The following PROM1 variants were observed in gnomAD, a reference collection of about 807,000 sequenced individuals.
PROM1 encodes prominin 1.
In PROM1, 105 loss-of-function variants were observed where a neutral mutation model predicts 116.9. The ratio of observed to expected loss-of-function variants is 0.90; its 90% CI spans 0.77 to 1.06. The LOEUF (loss-of-function observed/expected upper bound fraction) is 1.06. Among genes scored for constraint, PROM1 ranks in the 50% least tolerant of loss-of-function variants. PROM1 has a pLI of 0.00. For missense variants in PROM1, 1,122 were observed against 1,045.2 expected, an observed-to-expected ratio of 1.07 and a Z score of -1.01; for synonymous variants, 393 against 387.0, an observed-to-expected ratio of 1.02 and a Z score of -0.18.
In PROM1 at chr4:15,974,025, T is replaced by C. The variant is rs146593382; in HGVS notation, c.2583-2943A>G. Reference sequence around the variant, plus strand: ...CCTTTGTGGTCTCACAGGAAGCAACTTTCTCTCCTGATCTCTCATCTCAGA... The same window carrying C: ...CCTTTGTGGTCTCACAGGAAGCAACCTTCTCTCCTGATCTCTCATCTCAGA... On this transcript the variant is annotated intron_variant, in intron 26 of 27. Coordinates refer to ENST00000447510, the MANE Select transcript of PROM1 (RefSeq NM_006017.3). Among the ~76,000 whole-genome samples, 506 of 152,244 alleles carry C rather than the reference T, an allele frequency of 3.3e-3. 8 individuals carry two copies. The highest frequency in any genetic ancestry group is 0.028 in the Admixed American group (422 of 15,280).
At chr4:15,993,747 C>G (rs1721630970) in intron 16 of PROM1, among the ~76,000 whole-genome samples, 1 of 152,174 alleles carries the variant, frequency 6.6e-6, no homozygotes, top group Non-Finnish European at 1.5e-5. Flanking sequence ...TCTAGAGGCT[C>G]TTGCATAATC....
At chr4:15,982,107 C>A (rs867078505) in intron 23 of PROM1, among the ~76,000 whole-genome samples, 31 of 152,240 alleles carry the variant, frequency 2.0e-4, no homozygotes, top group African/African-American at 7.5e-4. Flanking sequence ...CTACACTTGG[C>A]CTGCTATGTA....
chr4:15,998,220 T>C (rs1722810426), intron 15 of PROM1, among the ~76,000 whole-genome samples, 165 bp downstream of exon 15: 1 of 152,250 alleles, frequency 6.6e-6, no homozygotes, highest in South Asian at 2.1e-4. Flanking sequence ...AGAAGGAATA[T>C]ATTTTTGATC....
At position 15,998,458 on chromosome 4, in the gene PROM1, C is replaced by G. The variant is rs1389006421; in HGVS notation, c.1609G>C (p.Asp537His). 4 of 1,608,426 alleles carry G rather than the reference C, an allele frequency of 2.5e-6. No individual in the cohort carries two copies. The South Asian group carries it at 4.5e-5, about 18-fold the overall frequency. ...TTCCCAGAGAGATAGTATTCCCAGTCTTCATTTAGTAAGTAGGGTGTATCC... is the reference window on the plus strand; with the variant it reads ...TTCCCAGAGAGATAGTATTCCCAGTGTTCATTTAGTAAGTAGGGTGTATCC... ...VLDTPYLLNE[D>H]WEYYLSGKLF... The change falls in exon 15 of 28, where the codon GAC (aspartate) becomes CAC (histidine). Residue 537 changes from aspartate (D) to histidine (H), a missense_variant. Asp to His is a moderately conservative substitution (Grantham distance 81, BLOSUM62 -1). Transcript: ENST00000447510.
At chr4:16,018,270 C>T (rs1410649573) in intron 9 of PROM1, 53 bp downstream of exon 9, 1 of 1,573,358 alleles carries the variant, frequency 6.4e-7, no homozygotes, top group African/African-American at 1.4e-5. Flanking sequence ...TTAGCCCTGC[C>T]CGGCAATCCC....
At chr4:16,058,481 C>A (rs955085470) in intron 2 of PROM1, among the ~76,000 whole-genome samples, 3 of 152,030 alleles carry the variant, frequency 2.0e-5, no homozygotes, top group Non-Finnish European at 4.4e-5. Context: ...AACCCCATCT[C>A]TACAGAAATA....
chr4:16,046,781 TAC>T (rs900786164), intron 2 of PROM1, among the ~76,000 whole-genome samples: 1 of 152,230 alleles, frequency 6.6e-6, no homozygotes, highest in Non-Finnish European at 1.5e-5. Context: ...TCACACTGTC[TAC>T]ACAGAGTGGG....
rs1247779626 is a variant in PROM1, at chr4:15,968,637, T to C, written c.*756A>G. The C allele has an allele frequency of 1.3e-5, 2 of 152,226 alleles. No homozygotes were observed. The highest frequency in any genetic ancestry group is 4.8e-5 in the African/African-American group (2 of 41,458). 9.4% of individuals were successfully genotyped at this position (152,226 alleles called of 1,614,324 possible). A position where few individuals can be genotyped will look rare whatever the true frequency, so the allele number is the denominator to read the frequency against. On this transcript the variant is annotated 3_prime_UTR_variant, in exon 28 of 28. Transcript: ENST00000447510. ...CGTAATTGGCATCTGTTAAAACAAC[T>C]CCACTTTTGAACGAACAGCATTTCT...
intron 26 of PROM1, among the ~76,000 whole-genome samples, chr4:15,975,700 G>A (rs928882376): frequency 1.3e-5 from 2 of 152,210 alleles, no homozygotes; most frequent in African/African-American, 4.8e-5. Context: ...GAGTTTCTGG[G>A]ATGTCATTTC....
At chr4:16,077,261 A>T (rs891089171) in intron 1 of PROM1, among the ~76,000 whole-genome samples, 15 of 152,240 alleles carry the variant, frequency 9.9e-5, no homozygotes, top group African/African-American at 3.6e-4. Flanking sequence ...TGGAGGTGGG[A>T]CATGCGGGCA....
At chr4:15,976,708 A>G (rs1716221591) in intron 26 of PROM1, among the ~76,000 whole-genome samples, 1 of 152,218 alleles carries the variant, frequency 6.6e-6, no homozygotes, top group Admixed American at 6.5e-5. Context: ...CAACTTGCAC[A>G]CTGACACCTC....
intron 4 of PROM1, among the ~76,000 whole-genome samples, chr4:16,033,925 G>T (rs1733390761): frequency 1.3e-5 from 2 of 151,406 alleles, no homozygotes; most frequent in Admixed American, 6.6e-5. Flanking sequence ...ATATATGTAT[G>T]TATTTTTTTC....
intron 26 of PROM1, chr4:15,971,569 C>G (rs1276529573): frequency 1.3e-5 from 2 of 154,248 alleles, no homozygotes; most frequent in African/African-American, 4.8e-5. Context: ...GAACCATCAA[C>G]AGTAGCCCTA....
intron 13 of PROM1, 127 bp downstream of exon 13, chr4:16,006,411 G>A (rs955169843): frequency 2.6e-5 from 30 of 1,158,184 alleles, no homozygotes; most frequent in Non-Finnish European, 3.4e-5. Context: ...TCTCCTCCTC[G>A]CGACCTGGGA....
intron 2 of PROM1, among the ~76,000 whole-genome samples, chr4:16,044,580 A>G (rs1162401801): frequency 6.6e-6 from 1 of 152,218 alleles, no homozygotes; most frequent in Non-Finnish European, 1.5e-5. Flanking sequence ...TAAGGATTTA[A>G]TATGTTAACC....
intron 2 of PROM1, among the ~76,000 whole-genome samples, 172 bp downstream of exon 2, chr4:16,075,515 C>G (rs1355398057): frequency 6.6e-6 from 1 of 152,188 alleles, no homozygotes; most frequent in Non-Finnish European, 1.5e-5. Flanking sequence ...TCCTCGCAAC[C>G]TATGTAACCT....
At chr4:16,043,805 T>C (rs927604219) in intron 2 of PROM1, among the ~76,000 whole-genome samples, 4 of 152,206 alleles carry the variant, frequency 2.6e-5, no homozygotes, top group African/African-American at 9.6e-5. Context: ...GCTCTGTCCA[T>C]AGCTCTGACT....
intron 13 of PROM1, among the ~76,000 whole-genome samples, chr4:16,004,832 T>TTCCTTCCTTCCTTCCTTCCTTC (rs1203366908): frequency 8.2e-6 from 1 of 122,506 alleles, no homozygotes; most frequent in African/African-American, 3.0e-5. Context: ...TCTTTCTTTT[T>TTCCTTCCTTCCTTCCTTCCTTC]CTTCCTTCCT....
chr4:16,013,068 A>G (rs1048943908), intron 11 of PROM1, among the ~76,000 whole-genome samples: 3 of 152,142 alleles, frequency 2.0e-5, no homozygotes, highest in Admixed American at 6.5e-5. Flanking sequence ...GCTGGGCTGG[A>G]TGATGTTTAT....
Sources: allele counts gnomAD v4.1 joint callset (sites outside exome capture counted in the v4.1 genomes callset), GRCh38; gene constraint gnomAD v4.1.1; transcripts MANE v1.5; gene names NCBI Gene and HGNC (gene_info 2026-07-23, HGNC 2026-07-21).